UBE3C: variants seen among roughly 807,000 people sequenced by gnomAD.
The protein encoded by UBE3C is ubiquitin protein ligase E3C.
A neutral mutation model predicts 129.4 loss-of-function variants in UBE3C; 42 were observed. The ratio of observed to expected loss-of-function variants is 0.32; its 90% CI spans 0.25 to 0.42. The LOEUF (loss-of-function observed/expected upper bound fraction) is 0.42, where lower values mean the gene tolerates loss of function less well. Among genes scored for constraint, UBE3C ranks in the 10% least tolerant of loss-of-function variants. The probability of loss-of-function intolerance (pLI) is 1.00; values close to 1 mark genes in which losing one functional copy is unlikely to be tolerated. For synonymous variants in UBE3C, 510 were observed against 492.4 expected, an observed-to-expected ratio of 1.04 and a Z score of -0.47; for missense variants, 1,049 against 1,319.1, an observed-to-expected ratio of 0.80 and a Z score of 3.17.
At chr7:157,249,218 C>T (rs1796558341) in intron 19 of UBE3C, among the ~76,000 whole-genome samples, 1 of 152,144 alleles carries the variant, frequency 6.6e-6, no homozygotes, top group Non-Finnish European at 1.5e-5. Context: ...GTCTACAGAG[C>T]AACCGTGCAC....
chr7:157,209,261 T>C (rs772053940), intron 13 of UBE3C, among the ~76,000 whole-genome samples: 3 of 152,184 alleles, frequency 2.0e-5, no homozygotes, highest in Non-Finnish European at 4.4e-5. Flanking sequence ...ACATTTCTCT[T>C]AGGAGCATGA....
In UBE3C at chr7:157,147,768, C is replaced by T. The variant is rs77447584; in HGVS notation, c.66+8430C>T. The stretch of plus-strand genomic sequence containing the variant: ...ATCATGAATGAAGGTTGGGTTTTGT[C>T]AGATGCTTTTTCTGTATCTGTTAAT... On this transcript the variant is annotated intron_variant, in intron 1 of 22. Coordinates refer to ENST00000348165, the MANE Select transcript of UBE3C (RefSeq NM_014671.3). 2.8e-3 allele frequency among the ~76,000 whole-genome samples: 424 copies of T among 152,260 alleles called. 5 individuals are homozygous for T. The highest frequency in any genetic ancestry group is 0.021 in the East Asian group (108 of 5,176).
chr7:157,242,274 A>G (rs974366116), intron 18 of UBE3C, among the ~76,000 whole-genome samples: 2 of 152,200 alleles, frequency 1.3e-5, no homozygotes, highest in East Asian at 1.9e-4. Flanking sequence ...TGGAAGGAGT[A>G]TAGTGATTAG....
intron 14 of UBE3C, among the ~76,000 whole-genome samples, chr7:157,219,104 G>C (rs937488010): frequency 6.6e-6 from 1 of 152,160 alleles, no homozygotes; most frequent in East Asian, 1.9e-4. Flanking sequence ...TCTGGTGAAG[G>C]AGATGACCAG....
At chr7:157,215,417 G>A (rs1432270393) in intron 13 of UBE3C, among the ~76,000 whole-genome samples, 3 of 150,392 alleles carry the variant, frequency 2.0e-5, no homozygotes, top group African/African-American at 7.3e-5. Context: ...ACAATTGATT[G>A]TGTGATCTTT....
intron 10 of UBE3C, chr7:157,197,934 T>G (rs1319077989): frequency 6.2e-7 from 1 of 1,608,122 alleles, no homozygotes. Context: ...CCTTCCAAGT[T>G]TTTGCCCTTC....
At chr7:157,243,054 C>CA (rs371238850) in intron 18 of UBE3C, among the ~76,000 whole-genome samples, 1,566 of 144,910 alleles carry the variant, frequency 0.011, 25 homozygotes, top group African/African-American at 0.036. Flanking sequence ...AACTCCATCT[C>CA]AAAAAAAAAA....
intron 18 of UBE3C, among the ~76,000 whole-genome samples, chr7:157,238,223 G>A (rs6960676): frequency 0.34 from 50,953 of 152,010 alleles, 11,592 homozygotes; most frequent in African/African-American, 0.64. Flanking sequence ...GCAGTAAGTA[G>A]AGTGGTGGAG....
intron 2 of UBE3C, among the ~76,000 whole-genome samples, chr7:157,166,637 G>T (rs1240536434): frequency 2.0e-5 from 3 of 151,494 alleles, no homozygotes; most frequent in African/African-American, 4.9e-5. Flanking sequence ...CTCCTCGGGA[G>T]CCTGAGGCAG....
At chr7:157,162,356 G>A (rs571254017) in intron 1 of UBE3C, among the ~76,000 whole-genome samples, 4 of 151,592 alleles carry the variant, frequency 2.6e-5, no homozygotes, top group East Asian at 2.0e-4. Context: ...CACCATGCCC[G>A]GCTAATTTTT....
chr7:157,174,536 C>G (rs1808463194), intron 4 of UBE3C, among the ~76,000 whole-genome samples: 2 of 152,090 alleles, frequency 1.3e-5, no homozygotes, highest in African/African-American at 2.4e-5. Context: ...AACCTCCACC[C>G]ACACCCCGCA....
intron 1 of UBE3C, among the ~76,000 whole-genome samples, chr7:157,142,584 G>T (rs1342058318): frequency 1.3e-5 from 2 of 152,126 alleles, no homozygotes; most frequent in African/African-American, 4.8e-5. Context: ...CGGGGTGTGT[G>T]GAGTACATGT....
At chr7:157,139,626 T>C (rs1807373860) in intron 1 of UBE3C, among the ~76,000 whole-genome samples, 2 of 152,210 alleles carry the variant, frequency 1.3e-5, no homozygotes, top group Non-Finnish European at 2.9e-5. Flanking sequence ...CGTGGGGGCC[T>C]TGCCTGTCCA....
intron 21 of UBE3C, 126 bp from the exon 22 acceptor site, chr7:157,256,788 C>T: frequency 8.0e-7 from 1 of 1,250,662 alleles, no homozygotes; most frequent in East Asian, 2.4e-5. Context: ...CATGCCACGC[C>T]GTTTTAGAGA....
rs1384110373 is a variant in UBE3C at position 157,238,433 on chromosome 7, G to C, written c.2481+7106G>C. ...TGCTGCTGCCCATGTCCCGGTGGTAGTGCTGGTAAGAAGTCATCATATTCA... is the reference window on the plus strand; with the variant it reads ...TGCTGCTGCCCATGTCCCGGTGGTACTGCTGGTAAGAAGTCATCATATTCA... On this transcript the variant is annotated intron_variant, in intron 18 of 22. Coordinates refer to ENST00000348165, the MANE Select transcript of UBE3C (RefSeq NM_014671.3). Among the ~76,000 whole-genome samples, 9 of 152,282 alleles carry C rather than the reference G, an allele frequency of 5.9e-5. No homozygotes were observed. In the South Asian group the frequency reaches 1.5e-3, roughly 25 times the overall value.
chr7:157,207,586 G>T (rs186880015), intron 12 of UBE3C, 31 bp downstream of exon 12: 2 of 1,600,820 alleles, frequency 1.2e-6, no homozygotes, highest in Admixed American at 1.8e-5. Context: ...GTTTGCTGCT[G>T]GCCACTTGGC....
At chr7:157,165,477 A>G (rs558931953) in intron 2 of UBE3C, among the ~76,000 whole-genome samples, 1 of 150,174 alleles carries the variant, frequency 6.7e-6, no homozygotes, top group Non-Finnish European at 1.5e-5. Flanking sequence ...AGCTCACTGC[A>G]ACCTCCGCCT....
intron 1 of UBE3C, among the ~76,000 whole-genome samples, 161 bp downstream of exon 1, chr7:157,139,499 G>C (rs1158060257): frequency 6.6e-6 from 1 of 151,358 alleles, no homozygotes; most frequent in Non-Finnish European, 1.5e-5. Context: ...GCCGGATCTC[G>C]GGGCCGCTCC....
intron 18 of UBE3C, among the ~76,000 whole-genome samples, chr7:157,235,564 G>A (rs907102832): frequency 3.3e-5 from 5 of 152,140 alleles, no homozygotes; most frequent in African/African-American, 1.2e-4. Context: ...TGATGTCATT[G>A]TACAGTTCTG....
Sources: gnomAD v4.1 joint callset for allele counts (sites outside exome capture counted in the v4.1 genomes callset) on GRCh38, gnomAD v4.1.1 for gene constraint, MANE v1.5 for transcripts, NCBI Gene and HGNC (gene_info 2026-07-23, HGNC 2026-07-21) for gene names.